Variants in RORA observed in about 807,000 individuals in gnomAD.
RORA encodes nuclear receptor ROR-alpha.
In RORA, 7 loss-of-function variants were observed where a neutral mutation model predicts 69.5. The observed-to-expected ratio is 0.10, with a 90% confidence interval of 0.06 to 0.19. RORA has a LOEUF of 0.19. Among genes scored for constraint, RORA ranks in the 10% least tolerant of loss-of-function variants. RORA has a pLI of 1.00. For synonymous variants in RORA, 261 were observed against 240.8 expected, an observed-to-expected ratio of 1.08 and a Z score of -0.78; for missense variants, 457 against 663.0, an observed-to-expected ratio of 0.69 and a Z score of 3.41.
At chr15:60,677,114 C>T (rs1274344718) in intron 2 of RORA, 2 of 454,544 alleles carry the variant, frequency 4.4e-6, no homozygotes, top group Non-Finnish European at 8.9e-6. Flanking sequence ...TGGGGAGAGG[C>T]CCAGGACTGA....
chr15:61,055,544 C>T (rs891963558), intron 1 of RORA, among the ~76,000 whole-genome samples: 3 of 152,140 alleles, frequency 2.0e-5, no homozygotes, highest in Non-Finnish European at 4.4e-5. Flanking sequence ...TAGGTGTTTT[C>T]GATGTTCAGG....
chr15:61,190,823 T>C (rs2079791424), intron 1 of RORA, among the ~76,000 whole-genome samples: 3 of 152,352 alleles, frequency 2.0e-5, no homozygotes, highest in South Asian at 4.1e-4. Flanking sequence ...TACAGAATGC[T>C]TGCATGTATG....
At chr15:61,113,541 G>T (rs2079025180) in intron 1 of RORA, among the ~76,000 whole-genome samples, 1 of 152,158 alleles carries the variant, frequency 6.6e-6, no homozygotes, top group Non-Finnish European at 1.5e-5. Flanking sequence ...AAACAAAAAG[G>T]CTGGAATGAT....
chr15:61,153,971 T>C (rs1365527320), intron 1 of RORA, among the ~76,000 whole-genome samples: 3 of 152,204 alleles, frequency 2.0e-5, no homozygotes, highest in Non-Finnish European at 4.4e-5. Context: ...TTGCCTGCAG[T>C]GGGCTCACAC....
At chr15:60,603,889 C>T (rs2068878491) in intron 2 of RORA, among the ~76,000 whole-genome samples, 1 of 152,040 alleles carries the variant, frequency 6.6e-6, no homozygotes, top group Non-Finnish European at 1.5e-5. Flanking sequence ...AATCCCAGCA[C>T]TTTGGGAGGC....
intron 1 of RORA, among the ~76,000 whole-genome samples, chr15:61,054,880 AGGCTG>A (rs1450797447): frequency 6.9e-6 from 1 of 145,296 alleles, no homozygotes. Context: ...TCTGTTGCCC[AGGCTG>A]GAGTGCAGGG....
At chr15:61,031,819 C>T (rs1428081763) in intron 1 of RORA, among the ~76,000 whole-genome samples, 1 of 152,136 alleles carries the variant, frequency 6.6e-6, no homozygotes, top group African/African-American at 2.4e-5. Flanking sequence ...GACAGAAGAA[C>T]CACAGGAATG....
chr15:61,038,012 G>A (rs1595903463), intron 1 of RORA, among the ~76,000 whole-genome samples: 1 of 152,108 alleles, frequency 6.6e-6, no homozygotes, highest in Non-Finnish European at 1.5e-5. Flanking sequence ...TAACATGGGT[G>A]TGTTTAAGAT....
At chr15:61,223,886 GT>G (rs1007153511) in intron 1 of RORA, among the ~76,000 whole-genome samples, 3 of 151,266 alleles carry the variant, frequency 2.0e-5, no homozygotes, top group Admixed American at 6.6e-5. Context: ...TGATTCTCAG[GT>G]TTTTTTTAAA....
chr15:60,501,172 G>T (rs776187434), intron 8 of RORA, 103 bp from the exon 9 acceptor site: 6 of 628,116 alleles, frequency 9.6e-6, no homozygotes, highest in Non-Finnish European at 1.7e-5. Context: ...CCAATAGAAG[G>T]TCTTAGGAGA....
At chr15:61,046,462 C>T (rs1897032154) in intron 1 of RORA, among the ~76,000 whole-genome samples, 1 of 152,098 alleles carries the variant, frequency 6.6e-6, no homozygotes, top group South Asian at 2.1e-4. Flanking sequence ...GTCGTGGGCA[C>T]ATGGAACTGA....
intron 1 of RORA, among the ~76,000 whole-genome samples, chr15:60,806,000 G>A (rs947059533): frequency 6.6e-6 from 1 of 152,222 alleles, no homozygotes; most frequent in Non-Finnish European, 1.5e-5. Flanking sequence ...GTAGGGGGTA[G>A]ATTGGGCAGG....
chr15:60,940,384 G>A lies in RORA; in HGVS notation c.167-261698C>T, dbSNP rs549513974. Among the ~76,000 whole-genome samples the A allele has an allele frequency of 1.2e-4, 18 of 152,222 alleles. No individual in the cohort carries two copies. The South Asian group carries it at 1.5e-3, about 12-fold the overall frequency. ...GATGAATCTCAAAAACATCCGCTAG[G>A]TGAAAGATGTTGAACAAAAAAGAAT... On this transcript the variant is annotated intron_variant, in intron 1 of 10. Transcript: ENST00000335670.
At chr15:61,225,543 C>T (rs1365383960) in intron 1 of RORA, among the ~76,000 whole-genome samples, 6 of 152,128 alleles carry the variant, frequency 3.9e-5, no homozygotes, top group Non-Finnish European at 8.8e-5. Flanking sequence ...CCAGGGGGTT[C>T]GATCTCAACC....
intron 1 of RORA, among the ~76,000 whole-genome samples, chr15:61,099,280 T>A (rs370881340): frequency 7.2e-5 from 11 of 152,178 alleles, no homozygotes; most frequent in African/African-American, 2.2e-4. Context: ...CAATATGGAA[T>A]TCAGTAATGA....
intron 1 of RORA, among the ~76,000 whole-genome samples, chr15:60,929,497 G>A (rs928755194): frequency 3.3e-5 from 5 of 152,190 alleles, no homozygotes; most frequent in African/African-American, 9.7e-5. Context: ...TGCAAAAGGC[G>A]AGAAGGAGAT....
intron 5 of RORA, among the ~76,000 whole-genome samples, chr15:60,507,854 T>C (rs187729363): frequency 1.3e-5 from 2 of 152,302 alleles, no homozygotes; most frequent in African/African-American, 4.8e-5. Flanking sequence ...ATGTTTCATT[T>C]CTAGTTAATA....
intron 2 of RORA, among the ~76,000 whole-genome samples, chr15:60,666,807 C>A (rs339973): frequency 0.58 from 87,434 of 152,008 alleles, 26,412 homozygotes; most frequent in East Asian, 0.73. Context: ...GGGAGAAGTC[C>A]TGAAAAGAGC....
chr15:60,770,385 G>C (rs1400383122), intron 1 of RORA, among the ~76,000 whole-genome samples: 1 of 152,104 alleles, frequency 6.6e-6, no homozygotes, highest in Non-Finnish European at 1.5e-5. Context: ...GGGTTTGTAA[G>C]AAATTATGTT....
Sources: gnomAD v4.1 joint callset for allele counts (sites outside exome capture counted in the v4.1 genomes callset) on GRCh38, gnomAD v4.1.1 for gene constraint, MANE v1.5 for transcripts, NCBI Gene and HGNC (gene_info 2026-07-23, HGNC 2026-07-21) for gene names.